Variants in TNRC6A observed in about 807,000 individuals in gnomAD.
TNRC6A encodes trinucleotide repeat containing adaptor 6A.
TNRC6A carries 44 observed loss-of-function variants against 221.2 expected under a neutral mutation model. That is an observed-to-expected ratio of 0.20 (90% CI 0.16 to 0.26). The LOEUF is 0.26. Ranked by LOEUF, TNRC6A falls within the 10% of genes least tolerant of loss-of-function variation. TNRC6A has a pLI of 1.00. For synonymous variants in TNRC6A, 847 were observed against 838.5 expected, an observed-to-expected ratio of 1.01 and a Z score of -0.18; for missense variants, 2,199 against 2,404.4, an observed-to-expected ratio of 0.91 and a Z score of 1.79.
chr16:24,682,344 G>A (rs942426941), intron 2 of TNRC6A, among the ~76,000 whole-genome samples: 45 of 149,862 alleles, frequency 3.0e-4, no homozygotes, highest in African/African-American at 1.1e-3. Context: ...CTCTCACCTC[G>A]CCTCCCAAGT....
At chr16:24,811,204 T>A (rs575718920) in intron 18 of TNRC6A, among the ~76,000 whole-genome samples, 77 of 152,298 alleles carry the variant, frequency 5.1e-4, no homozygotes, top group South Asian at 1.4e-3. Flanking sequence ...CAGTCTGCCA[T>A]GCTAACCCTT....
Position 24,789,732 on chromosome 16 carries a change from G to A in TNRC6A, c.1090G>A (p.Ala364Thr). The A allele has an allele frequency of 6.2e-7, 1 of 1,614,244 alleles. No homozygotes were observed. The highest frequency in any genetic ancestry group is 8.5e-7 in the Non-Finnish European group (1 of 1,180,044). ...GTTAAATCCAAGCACTTTGAATTCA[G>A]CTAGCAACCATGGTGCCTGGCCAGT... Reference protein sequence around the residue: ...GGLNPSTLNSASNHGAWPVLE... With the variant: ...GGLNPSTLNSTSNHGAWPVLE... Residue 364 changes from alanine (A) to threonine (T), a missense_variant, in exon 6 of 25, where the codon GCT (alanine) becomes ACT (threonine). Ala to Thr is a moderately conservative substitution (Grantham distance 58). Around this residue, in one of 8 missense-constraint regions of TNRC6A, gnomAD observed 1,405 missense variants for 1,400.2 expected, o/e 1.00. Transcript: ENST00000395799.
intron 3 of TNRC6A, among the ~76,000 whole-genome samples, chr16:24,754,268 G>A (rs112680116): frequency 2.2e-4 from 33 of 151,986 alleles, no homozygotes; most frequent in South Asian, 1.5e-3. Flanking sequence ...CGATATTTTC[G>A]TTTTGATAGT....
chr16:24,777,309 T>G lies in TNRC6A; in HGVS notation c.540T>G (p.Asn180Lys). The G allele has an allele frequency of 6.2e-7, 1 of 1,613,810 alleles. No homozygotes were observed. Among genetic ancestry groups the G allele is most frequent in the South Asian group, 1.1e-5 (1 of 91,082 alleles). Residue 180 changes from asparagine to lysine, a missense_variant, in exon 5 of 25, where the codon AAT (asparagine) becomes AAG (lysine). By Grantham distance (94) the Asn-to-Lys change is moderately conservative. Transcript: ENST00000395799. ...AGTCAGAAAGCAGTGCTTTAACAAA[T>G]CAACAGCCACAAAATAACGGAGAGG... Reference protein sequence around the residue: ...NSQSESSALTNQQPQNNGEVQ... With the variant: ...NSQSESSALTKQQPQNNGEVQ...
At chr16:24,627,928 A>T (rs1286064075) in intron 1 of TNRC6A, among the ~76,000 whole-genome samples, 1 of 149,000 alleles carries the variant, frequency 6.7e-6, no homozygotes, top group Non-Finnish European at 1.5e-5. Flanking sequence ...CGAACTCCTG[A>T]CCTCGTGATC....
rs534491299 is a variant in TNRC6A, at chr16:24,645,493, A to C, written n.402+4484A>C. ...CAACAGAGTGAGACCCTGTCTCAAAAAAAAAACAAAAAACAAAAAACAAAA... is the reference window on the plus strand; with the variant it reads ...CAACAGAGTGAGACCCTGTCTCAAACAAAAAACAAAAAACAAAAAACAAAA... On this transcript the variant is annotated intron_variant and non_coding_transcript_variant, in intron 2 of 2. Transcript: ENST00000566108. Among the ~76,000 whole-genome samples the C allele has an allele frequency of 7.2e-5, 11 of 151,978 alleles. No homozygotes were observed. The South Asian group carries it at 1.5e-3, about 20-fold the overall frequency.
rs118015736 is a variant in TNRC6A, at chr16:24,762,404, C to T, written c.163+4044C>T. ...CTTAGAGCACCTTCTATGTGCCAGG[C>T]ACTGTGCTTTATTTCATTTAATCAA... On this transcript the variant is annotated intron_variant, in intron 4 of 24. Coordinates refer to ENST00000395799, the MANE Select transcript of TNRC6A (RefSeq NM_014494.4). Among the ~76,000 whole-genome samples the T allele has an allele frequency of 1.0e-3, 156 of 152,304 alleles. 3 individuals are homozygous for T. In the East Asian group the frequency reaches 0.028, roughly 27 times the overall value.
At chr16:24,637,442 C>T (rs776203282) in intron 1 of TNRC6A, among the ~76,000 whole-genome samples, 9 of 152,042 alleles carry the variant, frequency 5.9e-5, no homozygotes, top group Non-Finnish European at 7.4e-5. Flanking sequence ...TCAAAGAGTA[C>T]GAGCATTGAT....
chr16:24,680,618 G>A (rs1280882299), intron 2 of TNRC6A, among the ~76,000 whole-genome samples: 2 of 151,074 alleles, frequency 1.3e-5, no homozygotes, highest in African/African-American at 4.9e-5. Context: ...TTGGGAGGCT[G>A]AGGCGGAAGA....
chr16:24,675,814 G>A (rs997892779), intron 2 of TNRC6A, among the ~76,000 whole-genome samples: 6 of 146,888 alleles, frequency 4.1e-5, no homozygotes, highest in East Asian at 2.0e-4. Context: ...ACCCACATAG[G>A]GTCTAGGAAT....
Position 24,806,210 on chromosome 16 carries a change from T to C in TNRC6A, c.4256T>C (p.Leu1419Ser). The C allele has an allele frequency of 6.2e-7, 1 of 1,614,068 alleles. No individual in the cohort carries two copies. The highest frequency in any genetic ancestry group is 8.5e-7 in the Non-Finnish European group (1 of 1,180,014). ...QLSQISQLQR[L>S]LAQQQRAQSQ... ...TTTTCGCTATCTTTCCTCTAGCGAT[T>C]GTTAGCGCAGCAGCAAAGGGCGCAG... The change falls in exon 16 of 25, where the codon TTG becomes TCG. Residue 1419 changes from leucine (L) to serine (S), a missense_variant. Leu to Ser is a moderately radical substitution (Grantham distance 145). Coordinates refer to ENST00000395799, the MANE Select transcript of TNRC6A (RefSeq NM_014494.4).
intron 5 of TNRC6A, among the ~76,000 whole-genome samples, chr16:24,787,268 T>G (rs1444851196): frequency 6.6e-6 from 1 of 152,224 alleles, no homozygotes; most frequent in East Asian, 1.9e-4. Context: ...GAGTCCAGAC[T>G]TGAATCTTGG....
chr16:24,621,284 T>C (rs1216501969), intron 1 of TNRC6A, among the ~76,000 whole-genome samples: 1 of 150,938 alleles, frequency 6.6e-6, no homozygotes, highest in Admixed American at 6.6e-5. Flanking sequence ...AGGGTGCAGA[T>C]GGTTCAAATT....
chr16:24,680,550 C>G (rs192698797), intron 2 of TNRC6A, among the ~76,000 whole-genome samples: 1 of 151,844 alleles, frequency 6.6e-6, no homozygotes, highest in Non-Finnish European at 1.5e-5. Flanking sequence ...AACCTCATCT[C>G]TACTAAAAAT....
At chr16:24,614,105 C>T (rs547935827) in intron 1 of TNRC6A, among the ~76,000 whole-genome samples, 1 of 152,236 alleles carries the variant, frequency 6.6e-6, no homozygotes, top group East Asian at 1.9e-4. Context: ...GATGATCTCA[C>T]CCAGGTGTCT....
At chr16:24,809,210 C>T (rs981466368) in intron 17 of TNRC6A, 140 bp from the exon 18 acceptor site, 21 of 746,250 alleles carry the variant, frequency 2.8e-5, no homozygotes, top group Non-Finnish European at 3.5e-5. Flanking sequence ...ATATTTTCTA[C>T]GTATAACTAA....
chr16:24,716,955 C>CAAAAAAAA (rs141168433), intron 2 of TNRC6A, among the ~76,000 whole-genome samples: 1 of 75,160 alleles, frequency 1.3e-5, no homozygotes, highest in Non-Finnish European at 2.8e-5. Context: ...GACTCCATCT[C>CAAAAAAAA]AAAAAAAAAA....
intron 1 of TNRC6A, among the ~76,000 whole-genome samples, chr16:24,634,045 G>A (rs1407548828): frequency 2.6e-5 from 4 of 152,016 alleles, no homozygotes; most frequent in Admixed American, 1.3e-4. Context: ...GCCCCCCAAA[G>A]TGCTAGCATG....
At chr16:24,763,744 C>A (rs960647712) in intron 4 of TNRC6A, among the ~76,000 whole-genome samples, 3 of 152,222 alleles carry the variant, frequency 2.0e-5, no homozygotes, top group Middle Eastern at 6.8e-3. Flanking sequence ...GGTTCCTGTT[C>A]CCACTGCACT....
Sources: allele counts gnomAD v4.1 joint callset (sites outside exome capture counted in the v4.1 genomes callset), GRCh38; gene constraint gnomAD v4.1.1; regional missense constraint gnomAD v4.1.1; transcripts MANE v1.5; gene names NCBI Gene and HGNC (gene_info 2026-07-23, HGNC 2026-07-21).